Variants in INPP4A observed in about 807,000 individuals in gnomAD.
INPP4A encodes the protein inositol polyphosphate-4-phosphatase, type I, 107kD.
In INPP4A, 33 loss-of-function variants were observed where a neutral mutation model predicts 119.8. The observed-to-expected ratio is 0.28, with a 90% CI of 0.21 to 0.37. The LOEUF (loss-of-function observed/expected upper bound fraction) is 0.37. Among genes scored for constraint, INPP4A ranks in the 10% least tolerant of loss-of-function variants. INPP4A has a pLI of 1.00. For synonymous variants in INPP4A, 496 were observed against 500.7 expected, an observed-to-expected ratio of 0.99 and a Z score of 0.12; for missense variants, 956 against 1,289.9, an observed-to-expected ratio of 0.74 and a Z score of 3.97.
chr2:98,511,434 T>C (rs1240006914), intron 1 of INPP4A, among the ~76,000 whole-genome samples: 1 of 152,166 alleles, frequency 6.6e-6, no homozygotes, highest in East Asian at 1.9e-4. Flanking sequence ...GTGTTAAGTG[T>C]CCTTTGAGTC....
rs1225374651 is a variant in INPP4A, at chr2:98,444,873, G to A, written c.-378G>A. The A allele has an allele frequency of 2.6e-5, 4 of 152,010 alleles. No homozygotes were observed. Among genetic ancestry groups the A allele is most frequent in the South Asian group, 2.0e-4 (1 of 4,922 alleles). The allele number at this position is 152,010 out of a possible 1,614,324, so 9.4% of individuals were successfully genotyped here. ...TGCGCCCGGCGTCTAGAGCGGCGGC[G>A]GCTGGCTAGGGCTGCGGCGCGCGTG... On this transcript the variant is annotated 5_prime_UTR_variant, in exon 1 of 25. Transcript: ENST00000409851.
At chr2:98,533,521 G>C in intron 5 of INPP4A, 26 bp downstream of exon 5, 1 of 1,362,880 alleles carries the variant, frequency 7.3e-7, no homozygotes, top group Non-Finnish European at 1.1e-6. Flanking sequence ...CTCTCTCTGA[G>C]GGGCTGTGGG....
In INPP4A at chr2:98,546,061, G is replaced by C; in HGVS notation, c.1042G>C (p.Asp348His). Reference sequence around the variant, plus strand: ...CATACAAAGGATGAGAGTTCAAGACGATGGAGGATCAGGTACCTATTTTTC... The same window carrying C: ...CATACAAAGGATGAGAGTTCAAGACCATGGAGGATCAGGTACCTATTTTTC... ...LHIQRMRVQD[D>H]GGSDQNYDIV... The change falls in exon 12 of 25, where the codon GAT (aspartate) becomes CAT (histidine). Residue 348 changes from aspartate (D) to histidine (H), a missense_variant. Transcript: ENST00000409851. This position sits in a 1 kb window ranked among gnomAD's most constrained non-coding sequence, Gnocchi z 4.2. The C allele has an allele frequency of 6.3e-7, 1 of 1,577,268 alleles. No individual in the cohort carries two copies. Among genetic ancestry groups the C allele is most frequent in the Non-Finnish European group, 8.6e-7 (1 of 1,160,002 alleles).
At chr2:98,482,820 A>T (rs1469266110) in intron 1 of INPP4A, among the ~76,000 whole-genome samples, 1 of 152,262 alleles carries the variant, frequency 6.6e-6, no homozygotes, top group African/African-American at 2.4e-5. Context: ...AAAATAAGTG[A>T]AAGCATAATA....
chr2:98,539,620 T>G lies in INPP4A; in HGVS notation c.763T>G (p.Ser255Ala). ...ILEQMAESVLSLHVPRQFVKL... is the reference protein window; with the variant it reads ...ILEQMAESVLALHVPRQFVKL... ...GGAGCAGATGGCAGAGAGCGTGCTC[T>G]CCCTGCACGTGCCCCGGCAGTTCGT... The change falls in exon 10 of 25, where the codon TCC becomes GCC. Residue 255 changes from serine to alanine, a missense_variant. Transcript: ENST00000409851. The G allele has an allele frequency of 4.3e-6, 7 of 1,611,654 alleles. No homozygotes were observed. Among genetic ancestry groups the G allele is most frequent in the Non-Finnish European group, 5.9e-6 (7 of 1,178,848 alleles).
intron 1 of INPP4A, among the ~76,000 whole-genome samples, chr2:98,465,391 A>G (rs1674528630): frequency 6.6e-6 from 1 of 152,224 alleles, no homozygotes; most frequent in South Asian, 2.1e-4. Flanking sequence ...ATATAAGGAC[A>G]TTTGTGATGG....
intron 23 of INPP4A, among the ~76,000 whole-genome samples, chr2:98,574,199 T>A (rs1575150723): frequency 6.6e-6 from 1 of 151,744 alleles, no homozygotes. Flanking sequence ...GCTACGGGGG[T>A]CTCTGCAGCA....
intron 11 of INPP4A, among the ~76,000 whole-genome samples, 158 bp from the exon 12 acceptor site, chr2:98,545,811 G>A (rs1692373346): frequency 6.6e-6 from 1 of 152,128 alleles, no homozygotes; most frequent in African/African-American, 2.4e-5. Flanking sequence ...CTGCCACCTG[G>A]AAATGAAATG....
At chr2:98,561,809 A>C (rs1411618192) in intron 17 of INPP4A, among the ~76,000 whole-genome samples, 3 of 152,244 alleles carry the variant, frequency 2.0e-5, no homozygotes, top group Admixed American at 1.3e-4. Flanking sequence ...CTTCTTAGAG[A>C]AGGATAGTCT....
chr2:98,576,506 G>C (rs984968168), intron 23 of INPP4A, among the ~76,000 whole-genome samples: 5 of 152,222 alleles, frequency 3.3e-5, no homozygotes, highest in Non-Finnish European at 7.3e-5. Flanking sequence ...GAGGAGAGTA[G>C]AGATAGTAGG....
In INPP4A at chr2:98,563,571, C is replaced by T; in HGVS notation, c.1962C>T (p.Asp654=). ...CCATGGTATTCCTGCTCATGCAGGACAGCGCGCCCACCATAGCCACCTACC... is the reference window on the plus strand; with the variant it reads ...CCATGGTATTCCTGCTCATGCAGGATAGCGCGCCCACCATAGCCACCTACC... The part of the protein sequence containing the change: ...KKAMVFLLMQ[D]SAPTIATYLS... The change falls in exon 18 of 25, where the codon GAC becomes GAT. Residue 654 remains aspartate, a synonymous_variant. Transcript: ENST00000409851. 6.2e-7 allele frequency: 1 copy of T among 1,613,794 alleles called. No homozygotes were observed. Among genetic ancestry groups the T allele is most frequent in the African/African-American group, 1.3e-5 (1 of 75,040 alleles).
chr2:98,460,599 T>C (rs1260737949), intron 1 of INPP4A, among the ~76,000 whole-genome samples: 2 of 152,218 alleles, frequency 1.3e-5, no homozygotes, highest in South Asian at 2.1e-4. Context: ...TGGATCATAG[T>C]AATTCTTACA....
chr2:98,548,911 C>A, intron 13 of INPP4A: 1 of 1,579,430 alleles, frequency 6.3e-7, no homozygotes, highest in South Asian at 1.2e-5. Context: ...TTGGTATTTG[C>A]TAACAAACTG....
At chr2:98,446,906 A>G (rs17031797) in intron 1 of INPP4A, among the ~76,000 whole-genome samples, 1,578 of 152,320 alleles carry the variant, frequency 0.01, 43 homozygotes, top group African/African-American at 0.036. Flanking sequence ...CACGAGAGCT[A>G]TTTGTAAACT....
intron 1 of INPP4A, among the ~76,000 whole-genome samples, chr2:98,497,644 C>T (rs916836224): frequency 7.2e-5 from 11 of 152,164 alleles, no homozygotes; most frequent in Admixed American, 3.3e-4. Context: ...ATGTTTCTGA[C>T]GTTAACCCCT....
At chr2:98,576,371 G>A (rs1240944301) in intron 23 of INPP4A, among the ~76,000 whole-genome samples, 1 of 152,208 alleles carries the variant, frequency 6.6e-6, no homozygotes, top group African/African-American at 2.4e-5. Flanking sequence ...TGTGAGGAGG[G>A]AAGTGTGCTG....
intron 16 of INPP4A, among the ~76,000 whole-genome samples, chr2:98,556,541 A>G (rs1694522558): frequency 6.6e-6 from 1 of 152,218 alleles, no homozygotes; most frequent in Non-Finnish European, 1.5e-5. Context: ...CTTTTCCTGT[A>G]AGAGCCATAG....
intron 7 of INPP4A, 116 bp from the exon 8 acceptor site, chr2:98,537,747 A>C: frequency 1.4e-6 from 1 of 719,368 alleles, no homozygotes; most frequent in Non-Finnish European, 2.5e-6. Context: ...CTGGTCAGTC[A>C]GCTCGGCCCT....
chr2:98,501,162 C>T (rs1683039876), intron 1 of INPP4A, among the ~76,000 whole-genome samples: 1 of 152,020 alleles, frequency 6.6e-6, no homozygotes, highest in Admixed American at 6.5e-5. Context: ...ACTAAAAATA[C>T]AAAAATTAGC....
Sources: allele counts gnomAD v4.1 joint callset (sites outside exome capture counted in the v4.1 genomes callset), GRCh38; gene constraint gnomAD v4.1.1; non-coding constraint Gnocchi (gnomAD v3.1); transcripts MANE v1.5; gene names NCBI Gene and HGNC (gene_info 2026-07-23, HGNC 2026-07-21).